The following COP1 variants were observed in gnomAD, a reference collection of about 807,000 sequenced individuals.
COP1 encodes E3 ubiquitin-protein ligase COP1.
COP1 carries 24 observed loss-of-function variants against 101.3 expected under a neutral mutation model. That is an observed-to-expected ratio of 0.24 (90% CI 0.17 to 0.33). The LOEUF (loss-of-function observed/expected upper bound fraction) is 0.33. Ranked by LOEUF, COP1 falls within the 10% of genes least tolerant of loss-of-function variation. The pLI, the probability that COP1 is intolerant of heterozygous loss-of-function variation, is 1.00. For synonymous variants in COP1, 347 were observed against 341.9 expected, an observed-to-expected ratio of 1.01 and a Z score of -0.17; for missense variants, 663 against 906.2, an observed-to-expected ratio of 0.73 and a Z score of 3.45.
chr1:175,993,797 G>A (rs1659343314), intron 15 of COP1, among the ~76,000 whole-genome samples: 1 of 152,162 alleles, frequency 6.6e-6, no homozygotes, highest in Non-Finnish European at 1.5e-5. Context: ...TGGGGAGAAT[G>A]GAACCAAGTT....
chr1:175,988,650 T>G (rs894780171), intron 16 of COP1: 3 of 364,916 alleles, frequency 8.2e-6, no homozygotes, highest in Non-Finnish European at 1.5e-5. Context: ...CTGGCCAACA[T>G]AGCAAAACAC....
intron 13 of COP1, 71 bp from the exon 14 acceptor site, chr1:176,043,338 A>G: frequency 1.1e-6 from 1 of 895,858 alleles, no homozygotes; most frequent in Non-Finnish European, 1.8e-6. Flanking sequence ...AAGAAAAAAA[A>G]AAACCTGATA....
At chr1:176,153,333 G>A (rs889048887) in intron 5 of COP1, among the ~76,000 whole-genome samples, 2 of 152,124 alleles carry the variant, frequency 1.3e-5, no homozygotes, top group Non-Finnish European at 2.9e-5. Flanking sequence ...GTTTGGAAAA[G>A]TGGATGACTC....
intron 17 of COP1, among the ~76,000 whole-genome samples, chr1:175,987,688 T>C (rs1366628776): frequency 6.6e-6 from 1 of 152,198 alleles, no homozygotes; most frequent in Non-Finnish European, 1.5e-5. Flanking sequence ...GTCTCATACA[T>C]ATGTGGAGAA....
chr1:176,024,836 C>A (rs1457913794), intron 15 of COP1, among the ~76,000 whole-genome samples: 1 of 151,976 alleles, frequency 6.6e-6, no homozygotes, highest in Non-Finnish European at 1.5e-5. Flanking sequence ...CCATTCACAA[C>A]AGAAATGAAA....
chr1:175,957,564 G>A lies in COP1; in HGVS notation c.2134-10325C>T, dbSNP rs150299439. Among the ~76,000 whole-genome samples the A allele has an allele frequency of 2.1e-3, 321 of 152,238 alleles. 3 individuals carry two copies. Among genetic ancestry groups the A allele is most frequent in the Middle Eastern group, 0.017 (5 of 294 alleles). On this transcript the variant is annotated intron_variant, in intron 18 of 19. Coordinates refer to ENST00000367669, the MANE Select transcript of COP1 (RefSeq NM_022457.7). ...ATCACCTAATGGCATTTCTCAAAAC[G>A]TATCCCCATTGTTAAGTGACCAATG... is the stretch of plus-strand genomic sequence containing the variant.
At chr1:175,954,950 A>G (rs1474275103) in intron 18 of COP1, among the ~76,000 whole-genome samples, 1 of 152,106 alleles carries the variant, frequency 6.6e-6, no homozygotes. Context: ...ATAATTCACT[A>G]TGTAAAGAGA....
chr1:176,050,220 T>C (rs1236293291), intron 11 of COP1, among the ~76,000 whole-genome samples: 3 of 152,234 alleles, frequency 2.0e-5, no homozygotes, highest in East Asian at 3.8e-4. Context: ...AATACGTAAT[T>C]CAGCTGTAGG....
intron 15 of COP1, among the ~76,000 whole-genome samples, chr1:176,010,694 T>A (rs1664504377): frequency 6.6e-6 from 1 of 152,246 alleles, no homozygotes; most frequent in Admixed American, 6.5e-5. Context: ...AAAGGGAATC[T>A]GTCTCTCTTA....
chr1:176,055,534 A>G lies in COP1; in HGVS notation c.1278-9210T>C, dbSNP rs139660113. Among the ~76,000 whole-genome samples the G allele has an allele frequency of 1.5e-4, 23 of 152,318 alleles. No individual in the cohort carries two copies. In the East Asian group the frequency reaches 4.4e-3, roughly 29 times the overall value. On this transcript the variant is annotated intron_variant, in intron 11 of 19. Coordinates refer to ENST00000367669, the MANE Select transcript of COP1 (RefSeq NM_022457.7). ...TCCTGGATTTCTTTGGTGATCTCATATAGTCTCATGACTTTCAATCTATAT... is the reference window on the plus strand; with the variant it reads ...TCCTGGATTTCTTTGGTGATCTCATGTAGTCTCATGACTTTCAATCTATAT...
At chr1:175,992,339 G>C (rs1001673605) in intron 15 of COP1, among the ~76,000 whole-genome samples, 1 of 152,232 alleles carries the variant, frequency 6.6e-6, no homozygotes, top group Non-Finnish European at 1.5e-5. Flanking sequence ...GGGTGATTTT[G>C]CATTTCCATC....
chr1:176,065,376 A>T (rs1675730252), intron 11 of COP1, among the ~76,000 whole-genome samples: 1 of 152,226 alleles, frequency 6.6e-6, no homozygotes, highest in Admixed American at 6.5e-5. Context: ...TGATGGAAGC[A>T]ATATATGGGG....
At chr1:175,978,728 C>G (rs1188825833) in intron 18 of COP1, among the ~76,000 whole-genome samples, 1 of 151,868 alleles carries the variant, frequency 6.6e-6, no homozygotes, top group Admixed American at 6.6e-5. Context: ...ATAAACAATC[C>G]AGTCAGAGGA....
At chr1:176,125,944 T>C (rs758434204) in intron 8 of COP1, among the ~76,000 whole-genome samples, 6 of 152,192 alleles carry the variant, frequency 3.9e-5, no homozygotes, top group Non-Finnish European at 7.4e-5. Flanking sequence ...TTCACTTCTT[T>C]GGTTAATTCC....
chr1:176,068,513 G>A lies in COP1; in HGVS notation c.1277+12639C>T, dbSNP rs567952750. ...AAGGGTAAGAACGACTAACATTTAC[G>A]TAGTATTTACAACATGCCATATAAA... On this transcript the variant is annotated intron_variant, in intron 11 of 19. Coordinates refer to ENST00000367669, the MANE Select transcript of COP1 (RefSeq NM_022457.7). Among the ~76,000 whole-genome samples, 107 of 152,270 alleles carry A rather than the reference G, an allele frequency of 7.0e-4. 3 individuals carry two copies. The highest frequency in any genetic ancestry group is 2.5e-3 in the African/African-American group (103 of 41,560).
chr1:176,078,210 T>C (rs994132345), intron 11 of COP1, among the ~76,000 whole-genome samples: 3 of 151,956 alleles, frequency 2.0e-5, no homozygotes, highest in East Asian at 1.9e-4. Flanking sequence ...AAAATGAACA[T>C]ACCTGGAGGC....
intron 9 of COP1, among the ~76,000 whole-genome samples, chr1:176,113,768 T>C (rs1303783161): frequency 6.6e-6 from 1 of 152,096 alleles, no homozygotes; most frequent in Non-Finnish European, 1.5e-5. Flanking sequence ...AAATAATTTG[T>C]GGGAGAGTTC....
rs5778885 is a variant in COP1 at position 176,009,877 on chromosome 1, T to TGGG, written c.1729+17692_1729+17694dup. ...TGTTAAGTTATAAGTTTAGGTTACT[T>TGGG]GGGGGGGGGGGGTCCGCAATAATTT... is the stretch of plus-strand genomic sequence containing the variant. On this transcript the variant is annotated intron_variant, in intron 15 of 19. Coordinates refer to ENST00000367669, the MANE Select transcript of COP1 (RefSeq NM_022457.7). Among the ~76,000 whole-genome samples, 160 of 103,552 alleles carry TGGG rather than the reference T, an allele frequency of 1.5e-3. 1 individual carries two copies. Among genetic ancestry groups the TGGG allele is most frequent in the African/African-American group, 2.9e-3 (69 of 24,156 alleles). The allele number at this position is 103,552 out of a possible 152,430, so 67.9% of individuals were successfully genotyped here.
chr1:176,047,461 G>C (rs973938086), intron 11 of COP1, among the ~76,000 whole-genome samples: 2 of 152,006 alleles, frequency 1.3e-5, no homozygotes, highest in African/African-American at 2.4e-5. Flanking sequence ...TTTCAGAGCT[G>C]GTGCTAATAA....
Sources: allele counts gnomAD v4.1 joint callset (sites outside exome capture counted in the v4.1 genomes callset), GRCh38; gene constraint gnomAD v4.1.1; transcripts MANE v1.5; gene names NCBI Gene and HGNC (gene_info 2026-07-23, HGNC 2026-07-21).